Variants in CASP5 observed in about 807,000 individuals in gnomAD.
CASP5 encodes the protein caspase 5.
Under a neutral mutation model 45.2 loss-of-function variants are expected in CASP5, and 42 were observed. The ratio of observed to expected loss-of-function variants is 0.93; its 90% confidence interval spans 0.73 to 1.20. The LOEUF is 1.20. Ranked by LOEUF, CASP5 falls within the 50% of genes most tolerant of loss-of-function variation. The probability of loss-of-function intolerance (pLI) is 0.00; values close to 1 mark genes in which losing one functional copy is unlikely to be tolerated. For missense variants in CASP5, 512 were observed against 532.2 expected, an observed-to-expected ratio of 0.96 and a Z score of 0.37; for synonymous variants, 209 against 186.2, an observed-to-expected ratio of 1.12 and a Z score of -1.00.
rs45478501 is a variant in CASP5 at position 104,995,881 on chromosome 11, G to C, written c.1207-39C>G. On this transcript the variant is annotated intron_variant, in intron 8 of 9. Coordinates refer to ENST00000260315, the MANE Select transcript of CASP5 (RefSeq NM_004347.5). ...CAGTAGATGAGATATGAGGGATTTT[G>C]GGTTCTCAGAATGCATCTTACACCA... 8,948 of 1,345,436 alleles carry C rather than the reference G, an allele frequency of 6.7e-3. 62 individuals are homozygous for C. Among genetic ancestry groups the C allele is most frequent in the South Asian group, 6.5e-3 (548 of 84,012 alleles). The allele number at this position is 1,345,436 out of a possible 1,614,324, so 83.3% of individuals were successfully genotyped here.
At chr11:105,006,762 G>A (rs1036958941) in intron 3 of CASP5, among the ~76,000 whole-genome samples, 2 of 152,122 alleles carry the variant, frequency 1.3e-5, no homozygotes, top group African/African-American at 4.8e-5. Context: ...AGAATGGAAG[G>A]TCAAGAAACT....
chr11:104,997,315 T>G (rs1333243623), intron 8 of CASP5, 68 bp downstream of exon 8: 1 of 1,111,644 alleles, frequency 9.0e-7, no homozygotes, highest in African/African-American at 1.5e-5. Flanking sequence ...TTTTATTCGA[T>G]TAGTGAATAA....
At chr11:105,009,512 C>A (rs1176635361) in intron 1 of CASP5, among the ~76,000 whole-genome samples, 1 of 151,364 alleles carries the variant, frequency 6.6e-6, no homozygotes, top group Non-Finnish European at 1.5e-5. Flanking sequence ...AGTGCTTAAT[C>A]TGCTTGCTGA....
Position 105,009,812 on chromosome 11 carries a change from CACATATATATAT to C in CASP5, c.8-844_8-833del, listed in dbSNP as rs1565388352. Among the ~76,000 whole-genome samples the C allele has an allele frequency of 4.2e-5, 4 of 94,512 alleles. No individual in the cohort carries two copies. The East Asian group carries it at 1.4e-3, about 32-fold the overall frequency. The allele number at this position is 94,512 out of a possible 152,430, so 62.0% of individuals were successfully genotyped here. ...ACACACGTATATATATATATACACA[CACATATATATAT>C]ACACATATATATATACACATATATA... On this transcript the variant is annotated intron_variant, in intron 1 of 9. Transcript: ENST00000260315.
chr11:105,019,404 G>A (rs370348321), intron 1 of CASP5, among the ~76,000 whole-genome samples: 7,430 of 139,882 alleles, frequency 0.053, 291 homozygotes, highest in Admixed American at 0.12. Flanking sequence ...TTCATAGACC[G>A]CTAGCAAGAC....
At chr11:105,023,089 C>T in intron 1 of CASP5, 41 bp downstream of exon 1, 2 of 1,547,552 alleles carry the variant, frequency 1.3e-6, no homozygotes, top group Non-Finnish European at 8.7e-7. Context: ...TTTCTAAGAC[C>T]TGAGTACCCA....
intron 4 of CASP5, 68 bp from the exon 5 acceptor site, chr11:105,002,269 A>G: frequency 2.0e-6 from 3 of 1,513,882 alleles, no homozygotes; most frequent in Non-Finnish European, 2.7e-6. Context: ...ATGCCTCACA[A>G]TTTTGCTTTT....
At chr11:105,017,929 A>G (rs1417060346) in intron 1 of CASP5, among the ~76,000 whole-genome samples, 5 of 152,300 alleles carry the variant, frequency 3.3e-5, no homozygotes, top group South Asian at 4.1e-4. Context: ...ACCCTCAAAG[A>G]GAAGCCCATC....
Position 105,002,146 on chromosome 11 carries a change from T to C in CASP5, c.599A>G (p.Asn200Ser), listed in dbSNP as rs188726405. 1 of 1,614,172 alleles carries C rather than the reference T, an allele frequency of 6.2e-7. No individual in the cohort carries two copies. Among genetic ancestry groups the C allele is most frequent in the Non-Finnish European group, 8.5e-7 (1 of 1,180,020 alleles). Residue 200 changes from asparagine (N) to serine (S), a missense_variant, in exon 5 of 10, where the codon AAT becomes AGT. Coordinates refer to ENST00000260315, the MANE Select transcript of CASP5 (RefSeq NM_004347.5). ...TGCAGGCAGGTGATCAAACTTTGTA[T>C]TGCATATGATGAGAGCCAGGCGTCT... Reference protein sequence around the residue: ...DRRRLALIICNTKFDHLPARN... With the variant: ...DRRRLALIICSTKFDHLPARN...
At position 105,008,981 on chromosome 11, in the gene CASP5, C is replaced by G; in HGVS notation, c.8-1G>C. ...CGCCTTTTTTTTTTGCCACTGTCTT[C>G]TATCAGAAATATAAAGACTCCTTCA... On this transcript the variant is annotated splice_acceptor_variant, in intron 1 of 9. Coordinates refer to ENST00000260315, the MANE Select transcript of CASP5 (RefSeq NM_004347.5). LOFTEE classifies it high-confidence loss of function. 2 of 1,611,396 alleles carry G rather than the reference C, an allele frequency of 1.2e-6. No individual in the cohort carries two copies. The highest frequency in any genetic ancestry group is 1.7e-6 in the Non-Finnish European group (2 of 1,178,766).
chr11:105,016,724 G>A (rs1048881446), intron 1 of CASP5, among the ~76,000 whole-genome samples: 8 of 152,132 alleles, frequency 5.3e-5, no homozygotes, highest in Non-Finnish European at 8.8e-5. Flanking sequence ...CAGCGAGGCT[G>A]GGGGAGGGGC....
chr11:105,009,724 T>C (rs12793847), intron 1 of CASP5, among the ~76,000 whole-genome samples: 2,098 of 23,890 alleles, frequency 0.088, 24 homozygotes, highest in African/African-American at 0.11. Context: ...TACACACATA[T>C]ATATATATAT....
At chr11:105,019,875 A>T (rs1157444899) in intron 1 of CASP5, among the ~76,000 whole-genome samples, 3 of 145,744 alleles carry the variant, frequency 2.1e-5, no homozygotes, top group Non-Finnish European at 4.6e-5. Flanking sequence ...TTAGACCAAT[A>T]TCCTTGATGA....
At chr11:105,008,758 A>G (rs1468184075) in intron 2 of CASP5, 49 bp downstream of exon 2, 1 of 1,362,356 alleles carries the variant, frequency 7.3e-7, no homozygotes, top group Non-Finnish European at 1.0e-6. Flanking sequence ...TTATAATTGA[A>G]CAGATTCTAA....
intron 1 of CASP5, among the ~76,000 whole-genome samples, chr11:105,017,802 A>G (rs1277897759): frequency 1.3e-3 from 198 of 152,210 alleles, no homozygotes; most frequent in Non-Finnish European, 2.1e-3. Flanking sequence ...GGAAATACAG[A>G]GAATGCCACA....
chr11:105,017,402 C>T (rs10895757), intron 1 of CASP5, among the ~76,000 whole-genome samples: 37,621 of 151,782 alleles, frequency 0.25, 4,817 homozygotes, highest in Non-Finnish European at 0.28. Context: ...AAGTTGAAAA[C>T]CTTGAAAAAA....
At chr11:105,000,516 A>T (rs762741234) in intron 5 of CASP5, 21 bp from the exon 6 acceptor site, 21 of 1,605,740 alleles carry the variant, frequency 1.3e-5, no homozygotes, top group Non-Finnish European at 1.6e-5. Context: ...GCAATGTCTA[A>T]CTTCAGTCAG....
intron 6 of CASP5, among the ~76,000 whole-genome samples, chr11:105,000,018 T>C (rs1188556477): frequency 1.3e-5 from 2 of 152,240 alleles, no homozygotes; most frequent in East Asian, 3.8e-4. Flanking sequence ...GATTTAGGGA[T>C]TCTGATGATC....
intron 1 of CASP5, among the ~76,000 whole-genome samples, chr11:105,017,960 G>A (rs570522411): frequency 1.3e-3 from 200 of 152,166 alleles, no homozygotes; most frequent in South Asian, 4.8e-3. Flanking sequence ...CAGATCTCTC[G>A]GCAGAAACTC....
Sources: allele counts gnomAD v4.1 joint callset (sites outside exome capture counted in the v4.1 genomes callset), GRCh38; gene constraint gnomAD v4.1.1; transcripts MANE v1.5; gene names NCBI Gene and HGNC (gene_info 2026-07-23, HGNC 2026-07-21).